Variants in RBM26 observed in about 807,000 individuals in gnomAD.
RBM26 encodes RNA-binding protein 26.
A neutral mutation model predicts 123.6 loss-of-function variants in RBM26; 30 were observed. The ratio of observed to expected loss-of-function variants is 0.24; its 90% confidence interval spans 0.18 to 0.33. The LOEUF (loss-of-function observed/expected upper bound fraction) is 0.33. Among genes scored for constraint, RBM26 ranks in the 10% least tolerant of loss-of-function variants. The probability of loss-of-function intolerance (pLI) is 1.00; values close to 1 mark genes in which losing one functional copy is unlikely to be tolerated. For missense variants in RBM26, 947 were observed against 1,203.6 expected, an observed-to-expected ratio of 0.79 and a Z score of 3.15; for synonymous variants, 400 against 404.4, an observed-to-expected ratio of 0.99 and a Z score of 0.13.
In RBM26 at chr13:79,381,777, A is replaced by T. The variant is rs138705991; in HGVS notation, c.72-2870T>A. ...AATTAAAGAAGAATCTCTGCTCAAC[A>T]TCTTCTGTAGAAGCAATCTGAACTG... On this transcript the variant is annotated intron_variant, in intron 1 of 21. Transcript: ENST00000438737. Among the ~76,000 whole-genome samples, 947 of 152,212 alleles carry T rather than the reference A, an allele frequency of 6.2e-3. 4 individuals carry two copies. Among genetic ancestry groups the T allele is most frequent in the Non-Finnish European group, 9.8e-3 (667 of 67,938 alleles).
intron 20 of RBM26, among the ~76,000 whole-genome samples, chr13:79,324,877 A>G (rs975910019): frequency 6.6e-6 from 1 of 152,030 alleles, no homozygotes; most frequent in Non-Finnish European, 1.5e-5. Context: ...TTGCCCCAAC[A>G]TCATTTACTG....
chr13:79,373,230 ATATGTTTATGTGTG>A (rs1397319387), intron 3 of RBM26, among the ~76,000 whole-genome samples: 2 of 93,506 alleles, frequency 2.1e-5, no homozygotes, highest in African/African-American at 7.7e-5. Context: ...ATAAATATGT[ATATGTTTATGTGTG>A]TATGTATTTA....
chr13:79,375,046 A>C (rs1010376878), intron 3 of RBM26, among the ~76,000 whole-genome samples: 2 of 112,704 alleles, frequency 1.8e-5, no homozygotes, highest in African/African-American at 5.5e-5. Context: ...TTTTTTATAT[A>C]CTATATATTT....
At chr13:79,358,490 A>G (rs2074288678) in intron 10 of RBM26, 57 bp from the exon 11 acceptor site, 3 of 1,335,186 alleles carry the variant, frequency 2.2e-6, no homozygotes, top group South Asian at 1.3e-5. Context: ...CTAACCAAAT[A>G]CAAGGGAATA....
chr13:79,316,192 G>GGGGTGTGT (rs1258977045), downstream of RBM26, among the ~76,000 whole-genome samples: 11 of 142,094 alleles, frequency 7.7e-5, no homozygotes, highest in African/African-American at 2.3e-4. Context: ...AAGTGGGGCA[G>GGGGTGTGT]GTGTGTGTGT....
At chr13:79,357,083 G>A (rs2074112163) in intron 11 of RBM26, among the ~76,000 whole-genome samples, 1 of 152,106 alleles carries the variant, frequency 6.6e-6, no homozygotes, top group Non-Finnish European at 1.5e-5. Flanking sequence ...ACAGAATTGT[G>A]TAACAATCTA....
intron 1 of RBM26, among the ~76,000 whole-genome samples, chr13:79,394,308 T>G (rs557388534): frequency 6.6e-6 from 1 of 152,316 alleles, no homozygotes; most frequent in African/African-American, 2.4e-5. Flanking sequence ...GGCCCTTCAA[T>G]GATTCCACCT....
chr13:79,404,836 T>A (rs1348036249), intron 1 of RBM26, among the ~76,000 whole-genome samples: 3 of 152,198 alleles, frequency 2.0e-5, no homozygotes, highest in African/African-American at 7.2e-5. Context: ...TATCTGGATT[T>A]ATTTATGTCT....
rs1169316237 is a variant in RBM26 at position 79,403,322 on chromosome 13, G to A, written c.71+2382C>T. On this transcript the variant is annotated intron_variant, in intron 1 of 21. Coordinates refer to ENST00000438737, the MANE Select transcript of RBM26 (RefSeq NM_001366735.2). ...CCAGTGTCTAGGCTCTACTAGCAGA[G>A]CCTTATTTATTACAACATAATGACT... Among the ~76,000 whole-genome samples the A allele has an allele frequency of 2.0e-5, 3 of 152,204 alleles. 1 individual carries two copies. In the East Asian group the frequency reaches 5.8e-4, roughly 29 times the overall value.
intron 1 of RBM26, among the ~76,000 whole-genome samples, chr13:79,395,820 T>A (rs1399098700): frequency 6.6e-6 from 1 of 151,940 alleles, no homozygotes; most frequent in Non-Finnish European, 1.5e-5. Flanking sequence ...AGTAATTTTT[T>A]AAAACATACA....
At chr13:79,357,050 A>G (rs2074106717) in intron 11 of RBM26, among the ~76,000 whole-genome samples, 1 of 152,106 alleles carries the variant, frequency 6.6e-6, no homozygotes, top group Non-Finnish European at 1.5e-5. Flanking sequence ...AATAGTTTTA[A>G]GTTTGTGTAC....
At chr13:79,360,812 T>C (rs994671358) in intron 9 of RBM26, among the ~76,000 whole-genome samples, 3 of 152,160 alleles carry the variant, frequency 2.0e-5, no homozygotes, top group South Asian at 2.1e-4. Flanking sequence ...ATGAGCATAG[T>C]ACATTTAACC....
At chr13:79,384,665 T>C (rs935247244) in intron 1 of RBM26, among the ~76,000 whole-genome samples, 9 of 152,194 alleles carry the variant, frequency 5.9e-5, no homozygotes, top group African/African-American at 2.2e-4. Flanking sequence ...TCCAACTATA[T>C]CTGGGGTGGA....
Position 79,344,288 on chromosome 13 carries a change from C to G in RBM26, c.2219G>C (p.Arg740Thr). 6.2e-7 allele frequency: 1 copy of G among 1,611,044 alleles called. No homozygotes were observed. Among genetic ancestry groups the G allele is most frequent in the South Asian group, 1.1e-5 (1 of 90,990 alleles). The stretch of plus-strand genomic sequence containing the variant: ...GTGCTTTTCTAAAATTTCTTGTTTC[C>G]TTTTCCTTACATCCTGCTGAAGTTT... ...ALKLQQDVRK[R>T]KQEILEKHIE... The change falls in exon 16 of 22, where the codon AGG becomes ACG. Residue 740 changes from arginine (R) to threonine (T), a missense_variant. By Grantham distance (71) the Arg-to-Thr change is moderately conservative. This residue lies in a region of RBM26 where 493 missense variants were observed against 563.1 expected (regional missense o/e 0.88). Coordinates refer to ENST00000438737, the MANE Select transcript of RBM26 (RefSeq NM_001366735.2).
intron 1 of RBM26, among the ~76,000 whole-genome samples, chr13:79,395,658 TC>T (rs528795847): frequency 6.6e-6 from 1 of 151,744 alleles, no homozygotes; most frequent in Non-Finnish European, 1.5e-5. Context: ...GGCAAAAGAA[TC>T]CCTTGAGCCC....
intron 2 of RBM26, among the ~76,000 whole-genome samples, chr13:79,378,187 G>GT (rs1296709041): frequency 4.6e-5 from 7 of 152,170 alleles, no homozygotes; most frequent in Non-Finnish European, 1.0e-4. Flanking sequence ...AATGCGCTAG[G>GT]TAAGATTCAA....
intron 1 of RBM26, among the ~76,000 whole-genome samples, chr13:79,398,770 G>C (rs1207173732): frequency 6.6e-6 from 1 of 152,136 alleles, no homozygotes; most frequent in African/African-American, 2.4e-5. Context: ...AAAATGGAAA[G>C]AAGTAGACCC....
chr13:79,394,416 C>T (rs941558242), intron 1 of RBM26, among the ~76,000 whole-genome samples: 5 of 152,146 alleles, frequency 3.3e-5, no homozygotes, highest in Non-Finnish European at 7.4e-5. Flanking sequence ...GAGGTTACTA[C>T]TTTCTGTCAA....
chr13:79,344,626 T>C (rs1291242160), intron 15 of RBM26, 43 bp downstream of exon 15: 3 of 1,563,180 alleles, frequency 1.9e-6, no homozygotes, highest in African/African-American at 1.4e-5. Flanking sequence ...AGGAAAGCTT[T>C]CCTATATGCA....
Sources: gnomAD v4.1 joint callset for allele counts (sites outside exome capture counted in the v4.1 genomes callset) on GRCh38, gnomAD v4.1.1 for gene constraint, gnomAD v4.1.1 regional missense constraint, MANE v1.5 for transcripts, NCBI Gene and HGNC (gene_info 2026-07-23, HGNC 2026-07-21) for gene names.